DCHS2: variants seen among roughly 807,000 people sequenced by gnomAD.
DCHS2 encodes dachsous cadherin-related 2, also known as protocadherin-23.
Under a neutral mutation model 182.4 loss-of-function variants are expected in DCHS2, and 142 were observed. The ratio of observed to expected loss-of-function variants is 0.78; its 90% CI spans 0.68 to 0.89. The LOEUF (loss-of-function observed/expected upper bound fraction) is 0.89, where lower values mean the gene tolerates loss of function less well. Ranked by LOEUF, DCHS2 falls within the 40% of genes least tolerant of loss-of-function variation. DCHS2 has a pLI of 0.00. For synonymous variants in DCHS2, 1,740 were observed against 1,663.3 expected (o/e 1.05, Z -1.12); for missense variants, 4,319 against 4,198.6 (o/e 1.03, Z -0.79).
chr4:154,459,085 A>G (rs1453618897), intron 1 of DCHS2, among the ~76,000 whole-genome samples: 1 of 152,246 alleles, frequency 6.6e-6, no homozygotes, highest in Non-Finnish European at 1.5e-5. Flanking sequence ...AATGGAGGCC[A>G]GAATTTTAAA....
chr4:154,377,117 A>G (rs1385233009), intron 2 of DCHS2, 136 bp downstream of exon 2: 2 of 779,508 alleles, frequency 2.6e-6, no homozygotes, highest in African/African-American at 1.8e-5. Flanking sequence ...GCTTCAAAAA[A>G]CTTCAGCAAA....
chr4:154,294,184 G>C (rs1734812079), intron 13 of DCHS2, among the ~76,000 whole-genome samples: 1 of 152,094 alleles, frequency 6.6e-6, no homozygotes. Context: ...ATTACAAAGT[G>C]CTCATTTGAT....
At chr4:154,390,730 A>G (rs1434678965) in intron 1 of DCHS2, among the ~76,000 whole-genome samples, 2 of 152,138 alleles carry the variant, frequency 1.3e-5, no homozygotes, top group Non-Finnish European at 2.9e-5. Context: ...ATTGTCATGT[A>G]CAACTCTAAC....
chr4:154,402,171 C>T (rs1732213789), intron 1 of DCHS2, among the ~76,000 whole-genome samples: 1 of 152,078 alleles, frequency 6.6e-6, no homozygotes, highest in Non-Finnish European at 1.5e-5. Context: ...ACTAAATTGC[C>T]CTGGTACCCT....
At position 154,490,218 on chromosome 4, in the gene DCHS2, G is replaced by A. The variant is rs773770698; in HGVS notation, c.1138C>T (p.Gln380Ter). ...CCATCGCGGGCCTCCACCACCAACT[G>A]GTGCCAGGCCTGTGCCTCGCGGTCC... ...PLDREAQAWH[Q>*]LVVEARDGGA... Residue 380 changes from glutamine to a stop codon, truncating the protein, a stop_gained, in exon 1 of 20, where the codon CAG becomes TAG. Transcript: ENST00000357232. LOFTEE classifies it high-confidence loss of function. 2.6e-5 allele frequency: 41 copies of A among 1,549,472 alleles called. No homozygotes were observed. The highest frequency in any genetic ancestry group is 3.4e-5 in the Non-Finnish European group (39 of 1,146,780).
intron 1 of DCHS2, among the ~76,000 whole-genome samples, chr4:154,429,508 A>C (rs1330300801): frequency 6.6e-6 from 1 of 152,172 alleles, no homozygotes; most frequent in Non-Finnish European, 1.5e-5. Flanking sequence ...ATTTGTGAGG[A>C]AAGGACACAT....
chr4:154,235,892 T>A lies in DCHS2; in HGVS notation c.8760A>T (p.Gly2920=). The change falls in exon 20 of 20, where the codon GGA becomes GGT. Residue 2920 remains glycine, a synonymous_variant. Transcript: ENST00000357232. The stretch of plus-strand genomic sequence containing the variant: ...TTACTGAAAAGAAAGGAGATGAGGT[T>A]CCAAGGGAGTAAAGAATGACTCCAT... ...GIDGVILYSL[G]TSSPFFSVNK... 1 of 1,614,046 alleles carries A rather than the reference T, an allele frequency of 6.2e-7. No individual in the cohort carries two copies. Among genetic ancestry groups the A allele is most frequent in the Non-Finnish European group, 8.5e-7 (1 of 1,179,952 alleles).
intron 1 of DCHS2, among the ~76,000 whole-genome samples, chr4:154,402,966 C>G (rs1732252501): frequency 6.6e-6 from 1 of 152,090 alleles, no homozygotes; most frequent in Non-Finnish European, 1.5e-5. Context: ...TTTAAAATTT[C>G]ATTTACTACT....
intron 7 of DCHS2, among the ~76,000 whole-genome samples, chr4:154,327,762 C>A (rs907757486): frequency 3.3e-5 from 5 of 152,068 alleles, no homozygotes; most frequent in African/African-American, 1.2e-4. Flanking sequence ...ATACTTAATA[C>A]CAATTCTTAT....
intron 13 of DCHS2, among the ~76,000 whole-genome samples, chr4:154,282,748 A>G (rs1416921857): frequency 6.6e-6 from 1 of 152,160 alleles, no homozygotes; most frequent in Admixed American, 6.6e-5. Context: ...AGCATTTTTA[A>G]AAATAATAAA....
chr4:154,467,927 G>A (rs73854792), intron 1 of DCHS2, among the ~76,000 whole-genome samples: 1 of 152,122 alleles, frequency 6.6e-6, no homozygotes, highest in Non-Finnish European at 1.5e-5. Flanking sequence ...TGAATAGCAT[G>A]AAACAGTTTT....
At chr4:154,438,806 A>T (rs1733882067) in intron 1 of DCHS2, among the ~76,000 whole-genome samples, 1 of 152,230 alleles carries the variant, frequency 6.6e-6, no homozygotes, top group Admixed American at 6.5e-5. Context: ...ATGCAGCAAT[A>T]CATGAATACA....
At chr4:154,304,503 A>G (rs1012808770) in intron 12 of DCHS2, among the ~76,000 whole-genome samples, 166 bp downstream of exon 12, 1 of 152,082 alleles carries the variant, frequency 6.6e-6, no homozygotes, top group Non-Finnish European at 1.5e-5. Flanking sequence ...AATAAATTTT[A>G]ATTTAAAAAT....
chr4:154,272,614 C>T (rs1036696299), intron 13 of DCHS2, among the ~76,000 whole-genome samples: 5 of 152,042 alleles, frequency 3.3e-5, no homozygotes, highest in African/African-American at 4.8e-5. Context: ...CCATGTAAGG[C>T]ATGCCTCCAC....
At chr4:154,262,276 T>C (rs1733021604) in intron 14 of DCHS2, 1 of 152,192 alleles carries the variant, frequency 6.6e-6, no homozygotes, top group Non-Finnish European at 1.5e-5. Flanking sequence ...AACTGGCATA[T>C]GCTGTGAAAG....
intron 13 of DCHS2, among the ~76,000 whole-genome samples, chr4:154,285,023 A>C (rs949538507): frequency 6.6e-6 from 1 of 151,978 alleles, no homozygotes; most frequent in Admixed American, 6.5e-5. Context: ...TTGTCTTGCA[A>C]CTTGGATACC....
intron 1 of DCHS2, among the ~76,000 whole-genome samples, chr4:154,471,158 CTGA>C (rs1446647300): frequency 1.9e-4 from 29 of 152,300 alleles, no homozygotes; most frequent in African/African-American, 6.7e-4. Context: ...TCAGGACAAA[CTGA>C]CTTGCTTAAA....
At chr4:154,457,885 C>T (rs568510610) in intron 1 of DCHS2, among the ~76,000 whole-genome samples, 4 of 152,134 alleles carry the variant, frequency 2.6e-5, no homozygotes, top group Non-Finnish European at 5.9e-5. Context: ...AGGGACCACA[C>T]CTTGAGAACC....
At chr4:154,279,250 TA>T (rs146509208) in intron 13 of DCHS2, among the ~76,000 whole-genome samples, 3,095 of 150,902 alleles carry the variant, frequency 0.021, 101 homozygotes, top group African/African-American at 0.072. Context: ...CAAAAGGAAA[TA>T]AAAAAATCAA....
Sources: allele counts gnomAD v4.1 joint callset (sites outside exome capture counted in the v4.1 genomes callset), GRCh38; gene constraint gnomAD v4.1.1; transcripts MANE v1.5; gene names NCBI Gene and HGNC (gene_info 2026-07-23, HGNC 2026-07-21).